The following MARCHF6 variants were observed in gnomAD, a reference collection of about 807,000 sequenced individuals.
MARCHF6 encodes the protein E3 ubiquitin-protein ligase MARCHF6.
In MARCHF6, 31 loss-of-function variants were observed where a neutral mutation model predicts 133.7. The ratio of observed to expected loss-of-function variants is 0.23; its 90% CI spans 0.17 to 0.31. The LOEUF (loss-of-function observed/expected upper bound fraction) is 0.31. Ranked by LOEUF, MARCHF6 falls within the 10% of genes least tolerant of loss-of-function variation. MARCHF6 has a pLI of 1.00. For synonymous variants in MARCHF6, 395 were observed against 402.5 expected, an observed-to-expected ratio of 0.98 and a Z score of 0.22; for missense variants, 723 against 1,121.6, an observed-to-expected ratio of 0.64 and a Z score of 5.08.
intron 1 of MARCHF6, among the ~76,000 whole-genome samples, chr5:10,375,810 C>G (rs1736743772): frequency 6.6e-6 from 1 of 151,810 alleles, no homozygotes; most frequent in Non-Finnish European, 1.5e-5. Flanking sequence ...AATCGGCACT[C>G]TGTATCTAGC....
chr5:10,437,823 A>G lies in MARCHF6; in HGVS notation c.*4139A>G, dbSNP rs1740710905. ...GTTGCCTTCTAAGTTGAGAGGACAA[A>G]ACTGAATAAAGTGAATGTTAATTGT... On this transcript the variant is annotated 3_prime_UTR_variant, in exon 26 of 26. Transcript: ENST00000274140. 1 of 152,220 alleles carries G rather than the reference A, an allele frequency of 6.6e-6. No individual in the cohort carries two copies. Among genetic ancestry groups the G allele is most frequent in the South Asian group, 2.1e-4 (1 of 4,830 alleles). The allele number at this position is 152,220 out of a possible 1,614,324, so 9.4% of individuals were successfully genotyped here.
intron 24 of MARCHF6, 104 bp downstream of exon 24, chr5:10,426,626 G>T (rs1740101835): frequency 1.6e-6 from 2 of 1,225,154 alleles, no homozygotes; most frequent in African/African-American, 3.1e-5. Context: ...TGCTTTATTT[G>T]TAAATGTGAA....
At position 10,402,064 on chromosome 5, in the gene MARCHF6, A is replaced by C. The variant is rs1245211998; in HGVS notation, c.978A>C (p.Gln326His). The C allele has an allele frequency of 6.3e-7, 1 of 1,595,828 alleles. No individual in the cohort carries two copies. Among genetic ancestry groups the C allele is most frequent in the South Asian group, 1.1e-5 (1 of 90,548 alleles). Residue 326 changes from glutamine to histidine, a missense_variant, in exon 12 of 26, where the codon CAA becomes CAC. Transcript: ENST00000274140. ...LVGLGFEEHV[Q>H]ASHFEGLITT... ...TACTTTTTTCTTATTTCCAGGTCCA[A>C]GCATCTCATTTTGAAGGCCTAATCA...
At position 10,411,418 on chromosome 5, in the gene MARCHF6, A is replaced by C; in HGVS notation, c.1777A>C (p.Asn593His). ...QQVNNNQHAR[N>H]NNAIPVVGEG... ...AGTTAACAATAATCAGCATGCTCGAAATAACAACGCTATTCCTGTGGTGGG... is the reference window on the plus strand; with the variant it reads ...AGTTAACAATAATCAGCATGCTCGACATAACAACGCTATTCCTGTGGTGGG... Residue 593 changes from asparagine to histidine, a missense_variant, in exon 19 of 26, where the codon AAT becomes CAT. Transcript: ENST00000274140. The C allele has an allele frequency of 6.2e-7, 1 of 1,614,238 alleles. No individual in the cohort carries two copies. The highest frequency in any genetic ancestry group is 1.1e-5 in the South Asian group (1 of 91,090).
At chr5:10,402,334 GTT>G in intron 12 of MARCHF6, 48 bp from the exon 13 acceptor site, 2 of 1,496,676 alleles carry the variant, frequency 1.3e-6, no homozygotes, top group Non-Finnish European at 9.3e-7. Context: ...GTAGTTACCT[GTT>G]TCATTGTACC....
intron 1 of MARCHF6, among the ~76,000 whole-genome samples, chr5:10,361,779 T>C (rs1386943301): frequency 6.6e-6 from 1 of 152,144 alleles, no homozygotes; most frequent in Non-Finnish European, 1.5e-5. Flanking sequence ...CTTTTTTTTT[T>C]TGAGACGGAG....
chr5:10,386,803 T>C, intron 4 of MARCHF6, 191 bp from the exon 5 acceptor site: 1 of 469,414 alleles, frequency 2.1e-6, no homozygotes, highest in Non-Finnish European at 3.9e-6. Flanking sequence ...TAACATTTAC[T>C]CTTCATTGTC....
chr5:10,428,928 T>G (rs1369163620), intron 24 of MARCHF6, among the ~76,000 whole-genome samples: 1 of 152,212 alleles, frequency 6.6e-6, no homozygotes, highest in Non-Finnish European at 1.5e-5. Context: ...TTGCCCTGTT[T>G]AGATGCTTTA....
At chr5:10,354,177 C>T (rs934288671) in intron 1 of MARCHF6, among the ~76,000 whole-genome samples, 1 of 152,034 alleles carries the variant, frequency 6.6e-6, no homozygotes, top group African/African-American at 2.4e-5. Context: ...CTCGGGGCTA[C>T]TGCAGGCCGG....
intron 1 of MARCHF6, among the ~76,000 whole-genome samples, chr5:10,371,739 A>G (rs1473407201): frequency 6.6e-6 from 1 of 152,208 alleles, no homozygotes; most frequent in Non-Finnish European, 1.5e-5. Flanking sequence ...CAAAGTAACA[A>G]TTGAATGTTG....
chr5:10,387,088 C>G (rs552342258), intron 5 of MARCHF6, 22 bp downstream of exon 5: 1 of 1,568,964 alleles, frequency 6.4e-7, no homozygotes, highest in Non-Finnish European at 8.8e-7. Flanking sequence ...ACCTCTGTGA[C>G]GAATGTTGCA....
intron 3 of MARCHF6, among the ~76,000 whole-genome samples, chr5:10,379,776 A>T (rs920956840): frequency 1.3e-5 from 2 of 152,054 alleles, no homozygotes; most frequent in African/African-American, 4.8e-5. Context: ...TTTTTAAAAA[A>T]ATAATAAAAA....
intron 24 of MARCHF6, 141 bp from the exon 25 acceptor site, chr5:10,429,752 C>A: frequency 1.5e-6 from 1 of 662,846 alleles, no homozygotes; most frequent in Non-Finnish European, 2.6e-6. Flanking sequence ...TCATGACCTA[C>A]ACAGATTGTA....
Position 10,407,156 on chromosome 5 carries a change from A to G in MARCHF6, c.1507A>G (p.Lys503Glu). 2.5e-6 allele frequency: 4 copies of G among 1,613,408 alleles called. No homozygotes were observed. The highest frequency in any genetic ancestry group is 3.4e-6 in the Non-Finnish European group (4 of 1,179,664). ...LMLWLPIRIIKSVLPNFLPYN... is the reference protein window; with the variant it reads ...LMLWLPIRIIESVLPNFLPYN... The stretch of plus-strand genomic sequence containing the variant: ...GCTTTGGCTTCCTATACGTATAATT[A>G]AGAGTGTGCTGCCTAATTTTCTTCC... The change falls in exon 17 of 26, where the codon AAG (lysine) becomes GAG (glutamate). Residue 503 changes from lysine (K) to glutamate (E), a missense_variant. Lys to Glu is a moderately conservative substitution (Grantham distance 56). Coordinates refer to ENST00000274140, the MANE Select transcript of MARCHF6 (RefSeq NM_005885.4).
chr5:10,393,049 A>G lies in MARCHF6; in HGVS notation c.767-1033A>G, dbSNP rs1218220211. 2.0e-5 allele frequency among the ~76,000 whole-genome samples: 3 copies of G among 152,006 alleles called. No homozygotes were observed. In the East Asian group the frequency reaches 5.8e-4, roughly 29 times the overall value. ...TTGCTCTGAGGATGCTGTTGGGGAG[A>G]GACCTATTAATTTACCTTTTTTTTT... On this transcript the variant is annotated intron_variant, in intron 7 of 25. Transcript: ENST00000274140.
intron 22 of MARCHF6, among the ~76,000 whole-genome samples, chr5:10,421,386 G>C (rs1275209150): frequency 1.3e-5 from 2 of 152,234 alleles, no homozygotes; most frequent in Admixed American, 6.5e-5. Context: ...ACGTGTTTCT[G>C]AGTTGGGGGA....
intron 25 of MARCHF6, among the ~76,000 whole-genome samples, chr5:10,432,103 G>A (rs1210113503): frequency 6.6e-6 from 1 of 152,120 alleles, no homozygotes; most frequent in Non-Finnish European, 1.5e-5. Flanking sequence ...TTAAGCTACT[G>A]GACATAAACT....
chr5:10,402,404 A>G lies in MARCHF6; in HGVS notation c.1074A>G (p.Lys358=). 1.9e-6 allele frequency: 3 copies of G among 1,613,994 alleles called. No individual in the cohort carries two copies. The highest frequency in any genetic ancestry group is 2.5e-6 in the Non-Finnish European group (3 of 1,179,916). The change falls in exon 13 of 26, where the codon AAA becomes AAG. Residue 358 remains lysine, a synonymous_variant. Coordinates refer to ENST00000274140, the MANE Select transcript of MARCHF6 (RefSeq NM_005885.4). The part of the protein sequence containing the change: ...IICHGLATLV[K]FHRSRRLLGV... The stretch of plus-strand genomic sequence containing the variant: ...TGTAGGGCTTGGCAACTCTTGTGAA[A>G]TTTCATAGATCTCGTCGCTTACTGG...
chr5:10,416,964 T>C (rs758279545), intron 21 of MARCHF6, among the ~76,000 whole-genome samples: 33 of 152,230 alleles, frequency 2.2e-4, no homozygotes, highest in Admixed American at 5.9e-4. Flanking sequence ...AGTTCACAGA[T>C]CAGCCTGTGT....
Sources: allele counts gnomAD v4.1 joint callset (sites outside exome capture counted in the v4.1 genomes callset), GRCh38; gene constraint gnomAD v4.1.1; transcripts MANE v1.5; gene names NCBI Gene and HGNC (gene_info 2026-07-23, HGNC 2026-07-21).